CDC23: variants seen among roughly 807,000 people sequenced by gnomAD.
CDC23 encodes the protein cell division cycle protein 23 homolog.
Under a neutral mutation model 81.7 loss-of-function variants are expected in CDC23, and 26 were observed. That is an observed-to-expected ratio of 0.32 (90% CI 0.23 to 0.44). CDC23 has a LOEUF of 0.44. Among genes scored for constraint, CDC23 ranks in the 20% least tolerant of loss-of-function variants. CDC23 has a pLI of 1.00. For synonymous variants in CDC23, 267 were observed against 270.8 expected (o/e 0.99, Z 0.14); for missense variants, 519 against 728.0 (o/e 0.71, Z 3.30).
At chr5:138,195,552 AT>A (rs1292491055) in intron 9 of CDC23, among the ~76,000 whole-genome samples, 2 of 107,640 alleles carry the variant, frequency 1.9e-5, no homozygotes, top group South Asian at 5.3e-4. Flanking sequence ...ATATAATATA[AT>A]TATATATAAT....
chr5:138,195,713 AATATATATGTATATATATACATATAAT>A (rs1561634100), intron 9 of CDC23, among the ~76,000 whole-genome samples: 43 of 64,188 alleles, frequency 6.7e-4, no homozygotes, highest in Non-Finnish European at 1.3e-3. Context: ...ATATACATAT[AATATATATGTATATATATACATATAAT>A]ATATATGTAT....
intron 2 of CDC23, among the ~76,000 whole-genome samples, chr5:138,208,859 A>C (rs1268459683): frequency 6.6e-6 from 1 of 151,970 alleles, no homozygotes. Context: ...CGCAATCTCA[A>C]ATCACTCCAA....
chr5:138,208,933 A>G (rs1755082924), intron 2 of CDC23, among the ~76,000 whole-genome samples: 1 of 152,138 alleles, frequency 6.6e-6, no homozygotes, highest in South Asian at 2.1e-4. Flanking sequence ...CTGGGTCCAC[A>G]GGTGCGTGCC....
rs145538293 is a variant in CDC23 at position 138,196,375 on chromosome 5, C to T, written c.1012+1824G>A. Among the ~76,000 whole-genome samples, 757 of 151,540 alleles carry T rather than the reference C, an allele frequency of 5.0e-3. 4 individuals are homozygous for T. Among genetic ancestry groups the T allele is most frequent in the Non-Finnish European group, 8.2e-3 (559 of 67,912 alleles). ...GCATGATCTTGGCTCACTGCAACCT[C>T]GGCCTCCTGGGTTCAAGCAATTCTC... On this transcript the variant is annotated intron_variant, in intron 9 of 15. Transcript: ENST00000394886.
At chr5:138,210,254 G>A (rs997462060) in intron 2 of CDC23, among the ~76,000 whole-genome samples, 2 of 150,936 alleles carry the variant, frequency 1.3e-5, no homozygotes, top group East Asian at 1.9e-4. Flanking sequence ...GGCCAGGCAC[G>A]GTGGCTCACA....
intron 9 of CDC23, among the ~76,000 whole-genome samples, chr5:138,196,013 T>C (rs1754901001): frequency 6.6e-6 from 1 of 150,776 alleles, no homozygotes; most frequent in Non-Finnish European, 1.5e-5. Flanking sequence ...TCAGTTTCCT[T>C]TTCTTCTCTC....
chr5:138,192,195 A>G, intron 11 of CDC23, 74 bp downstream of exon 11: 4 of 1,572,086 alleles, frequency 2.5e-6, no homozygotes, highest in Non-Finnish European at 3.5e-6. Flanking sequence ...TGATTTGTCA[A>G]TAGCTATCAA....
At chr5:138,189,216 T>C in intron 15 of CDC23, 68 bp from the exon 16 acceptor site, 4 of 1,476,634 alleles carry the variant, frequency 2.7e-6, no homozygotes, top group Non-Finnish European at 3.7e-6. Context: ...GTTATTAAGA[T>C]GCTGTTAAAC....
Position 138,192,339 on chromosome 5 carries a change from C to G in CDC23, c.1216G>C (p.Gly406Arg), listed in dbSNP as rs1217864945. 1.2e-6 allele frequency: 2 copies of G among 1,614,008 alleles called. No individual in the cohort carries two copies. The highest frequency in any genetic ancestry group is 1.7e-6 in the Non-Finnish European group (2 of 1,180,034). ...ATCTTAAGGATTTCATAGGTCTGCC[C>G]GAGGCCATACCAAGCTCTGTAGTCC... Reference protein sequence around the residue: ...KRDYRAWYGLGQTYEILKMPF... With the variant: ...KRDYRAWYGLRQTYEILKMPF... Residue 406 changes from glycine (G) to arginine (R), a missense_variant, in exon 11 of 16, where the codon GGG (glycine) becomes CGG (arginine). Around this residue, in one of 4 missense-constraint regions of CDC23, gnomAD observed 175 missense variants for 337.8 expected, o/e 0.52. Coordinates refer to ENST00000394886, the MANE Select transcript of CDC23 (RefSeq NM_004661.4).
In CDC23 at chr5:138,213,197, A is replaced by G; in HGVS notation, c.116T>C (p.Ile39Thr). 6.2e-7 allele frequency: 1 copy of G among 1,614,194 alleles called. No homozygotes were observed. Among genetic ancestry groups the G allele is most frequent in the Non-Finnish European group, 8.5e-7 (1 of 1,180,042 alleles). Residue 39 changes from isoleucine to threonine, a missense_variant, in exon 1 of 16, where the codon ATT becomes ACT. Ile to Thr is a moderately conservative substitution (Grantham distance 89). Transcript: ENST00000394886. Reference sequence around the variant, plus strand: ...GCCCCGCTCCCGGGTAAGGCCCGCAATAAGCAGCAGTTGCTTTTTAATTTC... The same window carrying G: ...GCCCCGCTCCCGGGTAAGGCCCGCAGTAAGCAGCAGTTGCTTTTTAATTTC... ...LREIKKQLLL[I>T]AGLTRERGLL... is the part of the protein sequence containing the mutation.
Position 138,192,381 on chromosome 5 carries a change from T to C in CDC23, c.1174A>G (p.Ile392Val), listed in dbSNP as rs760513056. Residue 392 changes from isoleucine to valine, a missense_variant, in exon 11 of 16, where the codon ATT (isoleucine) becomes GTT (valine). Ile to Val is a conservative substitution (Grantham distance 29, BLOSUM62 3). Coordinates refer to ENST00000394886, the MANE Select transcript of CDC23 (RefSeq NM_004661.4). Reference sequence around the variant, plus strand: ...CTGTAGTCCCGTTTGTTGACCTCAATGGCATGTCTAAGAAATGGAAAAGAC... The same window carrying C: ...CTGTAGTCCCGTTTGTTGACCTCAACGGCATGTCTAAGAAATGGAAAAGAC... Reference protein sequence around the residue: ...SAAIQAYRHAIEVNKRDYRAW... With the variant: ...SAAIQAYRHAVEVNKRDYRAW... 6.2e-7 allele frequency: 1 copy of C among 1,614,082 alleles called. No homozygotes were observed. The highest frequency in any genetic ancestry group is 8.5e-7 in the Non-Finnish European group (1 of 1,180,038).
Position 138,202,173 on chromosome 5 carries a change from C to T in CDC23, c.373-18G>A. 6.3e-7 allele frequency: 1 copy of T among 1,593,254 alleles called. No homozygotes were observed. On this transcript the variant is annotated intron_variant, in intron 3 of 15. Coordinates refer to ENST00000394886, the MANE Select transcript of CDC23 (RefSeq NM_004661.4). Reference sequence around the variant, plus strand: ...TCTCCAGACTGTAAGAGAAAATCAACAAATAGGTCTTTTTTCAGTTTATTC... The same window carrying T: ...TCTCCAGACTGTAAGAGAAAATCAATAAATAGGTCTTTTTTCAGTTTATTC...
Position 138,192,635 on chromosome 5 carries a change from A to C in CDC23, c.1035T>G (p.Ser345=), listed in dbSNP as rs756541786. The C allele has an allele frequency of 1.9e-6, 3 of 1,613,032 alleles. No individual in the cohort carries two copies. The highest frequency in any genetic ancestry group is 4.5e-5 in the East Asian group (2 of 44,902). The part of the protein sequence containing the change: ...CVIGNYYSLR[S]QHEKAALYFQ... ...AATATAAGGCTGCTTTCTCATGCTG[A>C]GAACGTAAACTGTAATAATTGCCTG... Residue 345 remains serine, a synonymous_variant, in exon 10 of 16, where the codon TCT becomes TCG. Coordinates refer to ENST00000394886, the MANE Select transcript of CDC23 (RefSeq NM_004661.4).
chr5:138,212,580 T>A (rs1168766878), intron 2 of CDC23, among the ~76,000 whole-genome samples: 1 of 152,184 alleles, frequency 6.6e-6, no homozygotes, highest in Admixed American at 6.5e-5. Flanking sequence ...CCTCCTAAAG[T>A]GTTGGGATTA....
intron 3 of CDC23, among the ~76,000 whole-genome samples, chr5:138,205,002 C>G (rs899687114): frequency 6.6e-5 from 10 of 151,940 alleles, no homozygotes; most frequent in Non-Finnish European, 1.5e-4. Context: ...GTAACCTCCA[C>G]CACCTGGGCT....
rs745703470 is a variant in CDC23, at chr5:138,213,165, G to A, written c.148C>T (p.His50Tyr). 5 of 1,614,092 alleles carry A rather than the reference G, an allele frequency of 3.1e-6. No individual in the cohort carries two copies. The highest frequency in any genetic ancestry group is 1.1e-5 in the South Asian group (1 of 91,078). The change falls in exon 1 of 16, where the codon CAC becomes TAC. Residue 50 changes from histidine to tyrosine, a missense_variant. His to Tyr is a moderately conservative substitution (Grantham distance 83). Transcript: ENST00000394886. ...CCAACATCTCACCATTTGCTACTGT[G>A]TAGTAGGCCCCGCTCCCGGGTAAGG... is the stretch of plus-strand genomic sequence containing the variant. ...AGLTRERGLL[H>Y]SSKWSAELAF...
At chr5:138,189,259 CT>C in intron 15 of CDC23, 111 bp from the exon 16 acceptor site, 1 of 1,024,460 alleles carries the variant, frequency 9.8e-7, no homozygotes, top group South Asian at 1.6e-5. Flanking sequence ...GGGAGGCTTG[CT>C]TGTTTTTTTT....
At position 138,198,512 on chromosome 5, in the gene CDC23, C is replaced by G. The variant is rs1561635214; in HGVS notation, c.844G>C (p.Ala282Pro). 6.2e-7 allele frequency: 1 copy of G among 1,614,080 alleles called. No individual in the cohort carries two copies. Residue 282 changes from alanine to proline, a missense_variant, in exon 8 of 16, where the codon GCC (alanine) becomes CCC (proline). By Grantham distance (27) the Ala-to-Pro change is conservative. Around this residue, in one of 4 missense-constraint regions of CDC23, gnomAD observed 180 missense variants for 239.3 expected, o/e 0.75. Transcript: ENST00000394886. ...AYHNIRDIDK[A>P]LSIFNELRKQ... is the part of the protein sequence containing the mutation. The stretch of plus-strand genomic sequence containing the variant: ...CTTAGCTCATTAAAAATGGAGAGGG[C>G]TTTGTCAATATCTGCAGAAAGAAGA...
At chr5:138,195,700 C>CATATATATACATATAATATATATGTAT (rs1156836438) in intron 9 of CDC23, among the ~76,000 whole-genome samples, 10 of 94,738 alleles carry the variant, frequency 1.1e-4, no homozygotes, top group South Asian at 3.0e-4. Context: ...AATATATATG[C>CATATATATACATATAATATATATGTAT]ATATATACAT....
Sources: allele counts gnomAD v4.1 joint callset (sites outside exome capture counted in the v4.1 genomes callset), GRCh38; gene constraint gnomAD v4.1.1; regional missense constraint gnomAD v4.1.1; transcripts MANE v1.5; gene names NCBI Gene and HGNC (gene_info 2026-07-23, HGNC 2026-07-21).